Variants in PERM1 observed in about 807,000 individuals in gnomAD.
The protein encoded by PERM1 is PPARGC1 and ESRR induced regulator, muscle 1.
PERM1 carries 45 observed loss-of-function variants against 44.1 expected under a neutral mutation model. The ratio of observed to expected loss-of-function variants is 1.02; its 90% CI spans 0.80 to 1.31. PERM1 has a LOEUF of 1.31. PERM1 is among the 50% of genes most tolerant of loss of function. PERM1 has a pLI of 0.00. For synonymous variants in PERM1, 565 were observed against 477.1 expected (o/e 1.18, Z -2.40); for missense variants, 1,189 against 1,106.9 (o/e 1.07, Z -1.05).
upstream of PERM1, chr1:981,934 C>G: frequency 1.4e-6 from 1 of 722,240 alleles, no homozygotes; most frequent in South Asian, 1.7e-5. Flanking sequence ...GGTCCTGAGA[C>G]GGAGGCCAGG....
At chr1:980,493 G>T (rs1462934506) in exon 1 of PERM1, 2 of 1,503,712 alleles carry the variant, frequency 1.3e-6, no homozygotes, top group East Asian at 2.5e-5. Flanking sequence ...TTCGGCTGGG[G>T]CTCCGTGGTG....
exon 1 of PERM1, chr1:979,434 A>T: frequency 6.5e-7 from 1 of 1,534,910 alleles, no homozygotes; most frequent in African/African-American, 1.4e-5. Context: ...CGTGGGCCCC[A>T]GTTGCTGTCT....
At chr1:980,397 C>T (rs893806833) in exon 1 of PERM1, 15 of 1,549,864 alleles carry the variant, frequency 9.7e-6, no homozygotes, top group South Asian at 3.6e-5. Context: ...CAGGACTGGC[C>T]GCAGGGAGCA....
chr1:981,969 C>CCTT, upstream of PERM1: 1 of 1,073,928 alleles, frequency 9.3e-7, no homozygotes, highest in East Asian at 6.1e-5. Flanking sequence ...CACCCACTGA[C>CCTT]CTTCGCCCTC....
At chr1:976,416 G>A (rs1405188576) in intron 2 of PERM1, 83 bp downstream of exon 3, 2 of 1,542,048 alleles carry the variant, frequency 1.3e-6, no homozygotes, top group African/African-American at 1.4e-5. Context: ...GTGAGCCCCG[G>A]GGCCCCCGTG....
At chr1:979,994 A>T in exon 1 of PERM1, 1 of 1,549,108 alleles carries the variant, frequency 6.5e-7, no homozygotes, top group Non-Finnish European at 8.7e-7. Flanking sequence ...GCAGGTGTAG[A>T]CACAGCCATG....
chr1:980,243 C>T (rs1570075936), exon 1 of PERM1: 11 of 1,550,314 alleles, frequency 7.1e-6, no homozygotes, highest in African/African-American at 1.4e-5. Context: ...GTGCCTTGCT[C>T]TGTCACAGGG....
chr1:976,649 C>T (rs1241272084), intron 1 of PERM1, 25 bp from the exon 3 acceptor site: 5 of 1,548,746 alleles, frequency 3.2e-6, no homozygotes, highest in South Asian at 1.2e-5. Flanking sequence ...CACCTTCAGC[C>T]CCACGGCTGC....
At position 979,185 on chromosome 1, in the gene PERM1, CAT is replaced by C. The variant is rs1269589366; in HGVS notation, c.1843_1844del (p.Met615ValfsTer26). ...CAACGTCTGGGAAGAAGAACTCGCA[CAT>C]GTCCGGCCACTGGACGCCTGCCGGA... On this transcript the variant is annotated frameshift_variant, in exon 1 of 3. Transcript: ENST00000433179. LOFTEE classifies it high-confidence loss of function. The C allele has an allele frequency of 2.6e-5, 41 of 1,550,120 alleles. No individual in the cohort carries two copies. Among genetic ancestry groups the C allele is most frequent in the Non-Finnish European group, 3.5e-5 (40 of 1,146,810 alleles).
At chr1:976,607 C>G in exon 2 of PERM1, 1 of 1,549,420 alleles carries the variant, frequency 6.5e-7, no homozygotes, top group Non-Finnish European at 8.7e-7. Flanking sequence ...AATGATGGGA[C>G]AGGCCCCCGG....
exon 1 of PERM1, chr1:979,202 C>A (rs556313468): frequency 3.5e-5 from 54 of 1,550,004 alleles, no homozygotes; most frequent in Non-Finnish European, 4.4e-5. Context: ...GGCCACTGGA[C>A]GCCTGCCGGA....
chr1:979,163 C>T (rs201808865), exon 1 of PERM1: 91 of 1,549,960 alleles, frequency 5.9e-5, no homozygotes, highest in Non-Finnish European at 7.4e-5. Flanking sequence ...TGGGCTCCAA[C>T]GTCTGGGAAG....
Position 976,491 on chromosome 1 carries a change from A to C in PERM1, c.2275+8T>G. ...GGCGCAGCTCCCTCTGCCCCCAGGCACCCAAACCTGTTTTCCAGGCGTCTG... is the reference window on the plus strand; with the variant it reads ...GGCGCAGCTCCCTCTGCCCCCAGGCCCCCAAACCTGTTTTCCAGGCGTCTG... On this transcript the variant is annotated splice_region_variant and intron_variant, in intron 2 of 2. Coordinates refer to ENST00000433179, the Ensembl canonical transcript of PERM1. The C allele has an allele frequency of 6.5e-7, 1 of 1,549,456 alleles. No homozygotes were observed. Among genetic ancestry groups the C allele is most frequent in the Non-Finnish European group, 8.7e-7 (1 of 1,146,366 alleles).
chr1:980,624 C>T, exon 1 of PERM1: 1 of 1,444,692 alleles, frequency 6.9e-7, no homozygotes, highest in Non-Finnish European at 9.1e-7. Context: ...TGCATCTGGT[C>T]TCCAGAAGAC....
intron 1 of PERM1, among the ~76,000 whole-genome samples, chr1:978,157 A>G (rs1643677110): frequency 1.0e-5 from 1 of 98,084 alleles, no homozygotes; most frequent in South Asian, 3.7e-4. Flanking sequence ...TCCCCCTCCA[A>G]CCCCAGGAAC....
chr1:975,402 C>G (rs1051978440), exon 3 of PERM1: 1 of 152,370 alleles, frequency 6.6e-6, no homozygotes, highest in Non-Finnish European at 1.5e-5. Flanking sequence ...CAGGAGCCCC[C>G]GGGACAACCC....
chr1:976,658 G>C, intron 1 of PERM1, 34 bp from the exon 3 acceptor site: 2 of 1,547,802 alleles, frequency 1.3e-6, no homozygotes, highest in South Asian at 1.2e-5. Context: ...CCCCACGGCT[G>C]CACTCAGAGA....
At chr1:980,418 C>T (rs1291446087) in exon 1 of PERM1, 9 of 1,549,290 alleles carry the variant, frequency 5.8e-6, no homozygotes, top group African/African-American at 4.1e-5. Flanking sequence ...GCGGGGAGCC[C>T]GTCTGGGCAG....
At chr1:981,657 G>A (rs1643795175), upstream of PERM1, among the ~76,000 whole-genome samples, 1 of 152,260 alleles carries the variant, frequency 6.6e-6, no homozygotes, top group Non-Finnish European at 1.5e-5. Flanking sequence ...GGTGGTGCTG[G>A]CCAGAGCTGG....
Sources: gnomAD v4.1 joint callset for allele counts (sites outside exome capture counted in the v4.1 genomes callset) on GRCh38, gnomAD v4.1.1 for gene constraint, MANE v1.5 for transcripts, NCBI Gene and HGNC (gene_info 2026-07-23, HGNC 2026-07-21) for gene names.